Variants in NKAIN3 observed in about 807,000 individuals in gnomAD.
The protein encoded by NKAIN3 is sodium/potassium transporting ATPase interacting 3, also known as sodium/potassium-transporting ATPase subunit beta-1-interacting protein 3.
In NKAIN3, 25 loss-of-function variants were observed where a neutral mutation model predicts 30.2. That is an observed-to-expected ratio of 0.83 (90% CI 0.60 to 1.16). The LOEUF (loss-of-function observed/expected upper bound fraction) is 1.16. NKAIN3 is among the 50% of genes most tolerant of loss of function. The pLI is 0.00. For missense variants in NKAIN3, 225 were observed against 254.1 expected (o/e 0.89, Z 0.78); for synonymous variants, 91 against 89.6 (o/e 1.02, Z -0.09).
chr8:62,680,433 C>T (rs1284725220), intron 3 of NKAIN3, among the ~76,000 whole-genome samples: 1 of 152,114 alleles, frequency 6.6e-6, no homozygotes, highest in Admixed American at 6.6e-5. Flanking sequence ...GCATAGAAAA[C>T]TAATATAGAT....
intron 4 of NKAIN3, among the ~76,000 whole-genome samples, chr8:62,901,927 T>C (rs1821625221): frequency 6.6e-6 from 1 of 152,164 alleles, no homozygotes; most frequent in South Asian, 2.1e-4. Context: ...GACATTGCCA[T>C]TTGTAAAAAC....
intron 4 of NKAIN3, among the ~76,000 whole-genome samples, chr8:62,898,709 A>G (rs1821512368): frequency 6.6e-6 from 1 of 152,190 alleles, no homozygotes; most frequent in Non-Finnish European, 1.5e-5. Context: ...GCACAGGCAA[A>G]CAAAGCAAAA....
intron 2 of NKAIN3, among the ~76,000 whole-genome samples, chr8:62,580,642 T>C (rs1191197223): frequency 6.6e-6 from 1 of 152,160 alleles, no homozygotes; most frequent in Non-Finnish European, 1.5e-5. Context: ...ATCCATTCTC[T>C]ATTTTGATTT....
At chr8:62,522,484 T>C (rs1338885714) in intron 1 of NKAIN3, among the ~76,000 whole-genome samples, 1 of 151,986 alleles carries the variant, frequency 6.6e-6, no homozygotes, top group African/African-American at 2.4e-5. Flanking sequence ...AAAGTAAGTG[T>C]AAAACAGCCT....
intron 4 of NKAIN3, among the ~76,000 whole-genome samples, chr8:62,805,779 A>C (rs1478746330): frequency 6.6e-6 from 1 of 152,214 alleles, no homozygotes; most frequent in Non-Finnish European, 1.5e-5. Context: ...AAGCAATGGC[A>C]ACAAAAGCCA....
In NKAIN3 at chr8:62,664,221, C is replaced by T. The variant is rs555358162; in HGVS notation, c.273+74427C>T. ...CACTTTGATTAAGTATCAAAGTATA[C>T]CAGATCACTTTGATTAAGATGGAGC... On this transcript the variant is annotated intron_variant, in intron 3 of 6. Transcript: ENST00000623646. 1.3e-3 allele frequency among the ~76,000 whole-genome samples: 198 copies of T among 151,938 alleles called. 1 individual carries two copies. Among genetic ancestry groups the T allele is most frequent in the Non-Finnish European group, 2.2e-3 (148 of 67,988 alleles).
At chr8:62,408,311 A>G (rs1804139465) in intron 1 of NKAIN3, among the ~76,000 whole-genome samples, 1 of 152,098 alleles carries the variant, frequency 6.6e-6, no homozygotes, top group African/African-American at 2.4e-5. Context: ...TTATACATCC[A>G]TCTAGGGCCA....
chr8:62,687,061 A>G (rs1813820137), intron 3 of NKAIN3, among the ~76,000 whole-genome samples: 1 of 152,260 alleles, frequency 6.6e-6, no homozygotes, highest in Non-Finnish European at 1.5e-5. Flanking sequence ...AATAATGATT[A>G]TGAAAAGGAA....
intron 1 of NKAIN3, among the ~76,000 whole-genome samples, chr8:62,417,856 A>G (rs1463222452): frequency 6.6e-6 from 1 of 152,164 alleles, no homozygotes; most frequent in Non-Finnish European, 1.5e-5. Flanking sequence ...AATTCCTTGT[A>G]TATTCTGCTT....
At chr8:62,811,822 G>T (rs1412196283) in intron 4 of NKAIN3, among the ~76,000 whole-genome samples, 3 of 151,862 alleles carry the variant, frequency 2.0e-5, no homozygotes, top group African/African-American at 4.8e-5. Context: ...AAAGTCTGTT[G>T]CTTCTCTCTT....
intron 1 of NKAIN3, among the ~76,000 whole-genome samples, chr8:62,512,910 T>C (rs981061856): frequency 2.5e-4 from 38 of 152,086 alleles, no homozygotes; most frequent in Admixed American, 6.6e-4. Context: ...CAAATGACTG[T>C]CCTCCCAACA....
intron 3 of NKAIN3, among the ~76,000 whole-genome samples, chr8:62,602,878 A>C (rs1207640903): frequency 6.6e-6 from 1 of 152,116 alleles, no homozygotes; most frequent in East Asian, 1.9e-4. Context: ...AATACATGAA[A>C]ATTTGTTAAC....
intron 4 of NKAIN3, among the ~76,000 whole-genome samples, chr8:62,854,075 G>C (rs1043219227): frequency 1.3e-5 from 2 of 152,106 alleles, no homozygotes; most frequent in Non-Finnish European, 2.9e-5. Flanking sequence ...GATTTGTTAG[G>C]ATTTCAGCTC....
intron 5 of NKAIN3, among the ~76,000 whole-genome samples, chr8:62,919,479 T>C (rs1457336597): frequency 6.6e-6 from 1 of 151,932 alleles, no homozygotes; most frequent in Non-Finnish European, 1.5e-5. Flanking sequence ...TCTCCTGACC[T>C]CGTGATCCAC....
At chr8:62,771,419 AATAG>A (rs1434954456) in intron 4 of NKAIN3, among the ~76,000 whole-genome samples, 1 of 152,178 alleles carries the variant, frequency 6.6e-6, no homozygotes, top group Non-Finnish European at 1.5e-5. Context: ...CAGTTTCAAT[AATAG>A]ATTTGAAATG....
intron 1 of NKAIN3, among the ~76,000 whole-genome samples, chr8:62,487,603 A>G (rs1350307072): frequency 6.6e-6 from 1 of 152,136 alleles, no homozygotes; most frequent in Admixed American, 6.5e-5. Flanking sequence ...CCTTAATGTT[A>G]CTTTCTTTTA....
At chr8:62,802,788 C>T (rs1818117112) in intron 4 of NKAIN3, among the ~76,000 whole-genome samples, 1 of 152,238 alleles carries the variant, frequency 6.6e-6, no homozygotes, top group Non-Finnish European at 1.5e-5. Flanking sequence ...TGTAAATGGA[C>T]TTAATGCTCC....
intron 3 of NKAIN3, among the ~76,000 whole-genome samples, chr8:62,689,997 C>T (rs1813914926): frequency 6.7e-6 from 1 of 148,962 alleles, no homozygotes; most frequent in African/African-American, 2.5e-5. Flanking sequence ...AATAAAATTG[C>T]ACATGTTAAG....
chr8:62,508,790 C>A (rs1321719410), intron 1 of NKAIN3, among the ~76,000 whole-genome samples: 2 of 152,100 alleles, frequency 1.3e-5, no homozygotes, highest in African/African-American at 2.4e-5. Flanking sequence ...TTTTAAGTTA[C>A]AATTTATTGA....
Sources: allele counts gnomAD v4.1 joint callset (sites outside exome capture counted in the v4.1 genomes callset), GRCh38; gene constraint gnomAD v4.1.1; transcripts MANE v1.5; gene names NCBI Gene and HGNC (gene_info 2026-07-23, HGNC 2026-07-21).